The following SPATA31H1 variants were observed in gnomAD, a reference collection of about 807,000 sequenced individuals.
SPATA31H1 encodes the protein SPATA31 subfamily H member 1, also known as spermatogenesis-associated protein 31H1.
chr2:27,551,188 C>T, the SPATA31H1 span, among the ~76,000 whole-genome samples: 5 of 151,966 alleles, frequency 3.3e-5, no homozygotes, highest in African/African-American at 4.8e-5. Context: ...CTGTGCCTGG[C>T]GGATGCTTTT....
At chr2:27,571,028 C>T in the SPATA31H1 span, 1 of 398,370 alleles carries the variant, frequency 2.5e-6, no homozygotes, top group East Asian at 3.6e-5. Flanking sequence ...TGGAGTGGAG[C>T]CCAGTCTTGA....
the SPATA31H1 span, chr2:27,568,983 A>C: frequency 2.5e-6 from 1 of 398,966 alleles, no homozygotes; most frequent in Non-Finnish European, 4.4e-6. Flanking sequence ...AAAAGAAGCA[A>C]AGTTGACCTC....
At chr2:27,582,176 A>G in the SPATA31H1 span, 5 of 1,611,868 alleles carry the variant, frequency 3.1e-6, no homozygotes, top group African/African-American at 6.7e-5. Context: ...CTGAGAGGAG[A>G]GGACACAGTT....
the SPATA31H1 span, chr2:27,579,247 T>C: frequency 5.0e-6 from 8 of 1,614,078 alleles, no homozygotes; most frequent in Admixed American, 1.0e-4. Context: ...CTCTCCACTA[T>C]GCTAATGCTG....
chr2:27,580,338 T>G, the SPATA31H1 span: 1 of 1,614,136 alleles, frequency 6.2e-7, no homozygotes, highest in Non-Finnish European at 8.5e-7. Flanking sequence ...GCACTATGAA[T>G]TCACTCAAGT....
the SPATA31H1 span, chr2:27,581,857 C>T: frequency 1.2e-6 from 2 of 1,611,188 alleles, no homozygotes; most frequent in Non-Finnish European, 1.7e-6. Context: ...TGCAGTCCCT[C>T]TGAGAGAAGC....
the SPATA31H1 span, among the ~76,000 whole-genome samples, chr2:27,562,668 C>T: frequency 6.6e-5 from 10 of 151,410 alleles, 1 homozygote; most frequent in South Asian, 8.3e-4. Context: ...AGGTGGATCA[C>T]GAGGTCAGGA....
the SPATA31H1 span, chr2:27,580,472 C>T: frequency 6.2e-7 from 1 of 1,614,208 alleles, no homozygotes; most frequent in East Asian, 2.2e-5. Flanking sequence ...TTAGAAAACA[C>T]AGAAAGTTCT....
the SPATA31H1 span, among the ~76,000 whole-genome samples, chr2:27,545,013 T>G: frequency 1.5e-5 from 2 of 131,380 alleles, no homozygotes; most frequent in East Asian, 5.1e-4. Context: ...ACATTGCATT[T>G]CAAAAAGTCA....
At chr2:27,547,317 G>A in the SPATA31H1 span, among the ~76,000 whole-genome samples, 1 of 151,872 alleles carries the variant, frequency 6.6e-6, no homozygotes, top group East Asian at 1.9e-4. Context: ...GGGATTACAG[G>A]TGCACACCAC....
the SPATA31H1 span, chr2:27,579,278 T>A: frequency 1.2e-6 from 2 of 1,614,106 alleles, no homozygotes; most frequent in South Asian, 2.2e-5. Flanking sequence ...TAGGGACCAC[T>A]ATGGAAAGGA....
the SPATA31H1 span, chr2:27,571,178 C>T: frequency 2.5e-6 from 1 of 398,344 alleles, no homozygotes; most frequent in East Asian, 3.6e-5. Flanking sequence ...TGGAAGATGT[C>T]AAATCTATGA....
the SPATA31H1 span, among the ~76,000 whole-genome samples, chr2:27,541,478 A>T: frequency 6.6e-6 from 1 of 151,960 alleles, no homozygotes; most frequent in Non-Finnish European, 1.5e-5. Context: ...GACTACATTC[A>T]TCATGGTATT....
At chr2:27,578,205 A>G in the SPATA31H1 span, 1 of 1,614,184 alleles carries the variant, frequency 6.2e-7, no homozygotes, top group East Asian at 2.2e-5. Context: ...GTTGACTCCA[A>G]AACTGCAATA....
At chr2:27,553,260 C>A in the SPATA31H1 span, among the ~76,000 whole-genome samples, 87 of 152,180 alleles carry the variant, frequency 5.7e-4, 1 homozygote, top group African/African-American at 2.0e-3. Context: ...TCCTTGTCTT[C>A]CAGAATAGTG....
chr2:27,578,745 G>A, the SPATA31H1 span: 3 of 1,614,120 alleles, frequency 1.9e-6, no homozygotes, highest in Admixed American at 3.3e-5. Flanking sequence ...GTTACAAGTA[G>A]GGACTGACTT....
chr2:27,575,833 A>G, the SPATA31H1 span: 5 of 397,880 alleles, frequency 1.3e-5, no homozygotes, highest in Non-Finnish European at 8.9e-6. This position sits in a 1 kb window ranked among gnomAD's most constrained non-coding sequence, Gnocchi z 4.1. Flanking sequence ...CACTGTGTAA[A>G]TTCTATTGGG....
At chr2:27,548,238 G>T in the SPATA31H1 span, among the ~76,000 whole-genome samples, 1 of 151,580 alleles carries the variant, frequency 6.6e-6, no homozygotes, top group Non-Finnish European at 1.5e-5. Context: ...CAAAGTGCTG[G>T]GATTACAGGT....
the SPATA31H1 span, among the ~76,000 whole-genome samples, chr2:27,562,549 CTATA>C: frequency 2.0e-5 from 3 of 146,342 alleles, no homozygotes; most frequent in Non-Finnish European, 4.5e-5. Flanking sequence ...ATATATGTGT[CTATA>C]TACAGACACA....
Sources: gnomAD v4.1 joint callset for allele counts (sites outside exome capture counted in the v4.1 genomes callset) on GRCh38, gnomAD v4.1.1 for gene constraint, Gnocchi (gnomAD v3.1) non-coding constraint, MANE v1.5 for transcripts, NCBI Gene and HGNC (gene_info 2026-07-23, HGNC 2026-07-21) for gene names.